PLXDC2: variants seen among roughly 807,000 people sequenced by gnomAD.
The protein encoded by PLXDC2 is plexin domain containing 2, also known as plexin domain-containing protein 2.
A neutral mutation model predicts 68.9 loss-of-function variants in PLXDC2; 40 were observed. That is an observed-to-expected ratio of 0.58 (90% CI 0.45 to 0.76). The LOEUF (loss-of-function observed/expected upper bound fraction) is 0.76, where lower values mean the gene tolerates loss of function less well. PLXDC2 is among the 30% of genes least tolerant of loss of function. PLXDC2 has a pLI of 0.00. For synonymous variants in PLXDC2, 243 were observed against 234.2 expected (o/e 1.04, Z -0.34); for missense variants, 644 against 661.9 (o/e 0.97, Z 0.30).
chr10:20,120,544 T>C (rs1833683137), intron 4 of PLXDC2, among the ~76,000 whole-genome samples: 1 of 152,144 alleles, frequency 6.6e-6, no homozygotes, highest in Non-Finnish European at 1.5e-5. Flanking sequence ...GAATTATGTC[T>C]GACAGAAGGG....
At chr10:20,128,806 A>C (rs1833827171) in intron 4 of PLXDC2, among the ~76,000 whole-genome samples, 1 of 152,170 alleles carries the variant, frequency 6.6e-6, no homozygotes, top group Admixed American at 6.5e-5. Context: ...ATGTTGACAC[A>C]AATGACTTCC....
intron 7 of PLXDC2, among the ~76,000 whole-genome samples, chr10:20,169,144 C>T (rs942284325): frequency 6.6e-6 from 1 of 152,086 alleles, no homozygotes; most frequent in South Asian, 2.1e-4. Flanking sequence ...TGGTGCTAAA[C>T]GTCCTTGTTT....
chr10:20,067,964 A>C (rs1836243035), intron 3 of PLXDC2, among the ~76,000 whole-genome samples: 1 of 152,178 alleles, frequency 6.6e-6, no homozygotes, highest in Admixed American at 6.5e-5. Context: ...TGGTGATGTT[A>C]ACTTTATTCT....
At chr10:19,997,804 G>T (rs1442841650) in intron 1 of PLXDC2, among the ~76,000 whole-genome samples, 2 of 152,060 alleles carry the variant, frequency 1.3e-5, no homozygotes, top group African/African-American at 4.8e-5. Flanking sequence ...ACGTTGTGGG[G>T]TTTCCTACTC....
chr10:20,064,466 T>C (rs10827948), intron 3 of PLXDC2, among the ~76,000 whole-genome samples: 19,962 of 152,090 alleles, frequency 0.13, 1,487 homozygotes, highest in South Asian at 0.3. Flanking sequence ...GCGATCCGCC[T>C]ACCTTGGCCT....
At chr10:20,084,981 T>G (rs557145186) in intron 4 of PLXDC2, among the ~76,000 whole-genome samples, 11 of 152,044 alleles carry the variant, frequency 7.2e-5, no homozygotes, top group Non-Finnish European at 1.5e-4. Flanking sequence ...TTTCTTTCAG[T>G]GTCTTTCCTA....
At chr10:20,232,589 C>T (rs1835379671) in intron 12 of PLXDC2, among the ~76,000 whole-genome samples, 1 of 152,052 alleles carries the variant, frequency 6.6e-6, no homozygotes, top group Admixed American at 6.6e-5. Context: ...ACAGATGCGT[C>T]CTAAAACATT....
intron 4 of PLXDC2, among the ~76,000 whole-genome samples, chr10:20,090,107 A>G (rs1833257213): frequency 6.6e-6 from 1 of 152,180 alleles, no homozygotes; most frequent in Admixed American, 6.5e-5. Flanking sequence ...CAGCTGTCCT[A>G]AGTGCTGGGT....
chr10:20,144,416 T>A (rs1242972196), intron 5 of PLXDC2, among the ~76,000 whole-genome samples: 1 of 152,064 alleles, frequency 6.6e-6, no homozygotes, highest in Non-Finnish European at 1.5e-5. Context: ...ATTTTACAGG[T>A]CAAAATAGCA....
chr10:20,124,353 A>T (rs748812515), intron 4 of PLXDC2, among the ~76,000 whole-genome samples: 31 of 152,064 alleles, frequency 2.0e-4, no homozygotes, highest in Non-Finnish European at 1.6e-4. Context: ...ACAGTGAGAG[A>T]GGTTGGAGAA....
At chr10:20,213,157 G>A (rs1028629019) in intron 10 of PLXDC2, among the ~76,000 whole-genome samples, 2 of 151,646 alleles carry the variant, frequency 1.3e-5, no homozygotes, top group African/African-American at 4.8e-5. Flanking sequence ...TGTTATTTTT[G>A]TGTATTTTTT....
At chr10:20,113,491 C>A (rs969586808) in intron 4 of PLXDC2, among the ~76,000 whole-genome samples, 1 of 152,154 alleles carries the variant, frequency 6.6e-6, no homozygotes, top group Non-Finnish European at 1.5e-5. Context: ...TACTTCTGCC[C>A]ACTCCACTCC....
chr10:19,825,854 A>G (rs1263415176), intron 1 of PLXDC2, among the ~76,000 whole-genome samples: 1 of 152,126 alleles, frequency 6.6e-6, no homozygotes, highest in East Asian at 1.9e-4. Flanking sequence ...GGTTATTTAT[A>G]TGCTGTCTTT....
chr10:20,160,405 C>A (rs923856531), intron 6 of PLXDC2, among the ~76,000 whole-genome samples: 1 of 152,164 alleles, frequency 6.6e-6, no homozygotes. Flanking sequence ...CTAACTTCTA[C>A]TCTCCTTACA....
rs78146164 is a variant in PLXDC2 at position 19,842,367 on chromosome 10, A to G, written c.112+25176A>G. Among the ~76,000 whole-genome samples, 431 of 152,208 alleles carry G rather than the reference A, an allele frequency of 2.8e-3. 9 individuals carry two copies. In the East Asian group the frequency reaches 0.053, roughly 19 times the overall value. ...CCTCTTAGCATGCGTTGAGGCATAT[A>G]ATACTCACCGGTGTACAGTAATGGG... is the stretch of plus-strand genomic sequence containing the variant. On this transcript the variant is annotated intron_variant, in intron 1 of 13. Transcript: ENST00000377252.
chr10:19,843,418 A>G (rs1417145784), intron 1 of PLXDC2, among the ~76,000 whole-genome samples: 1 of 152,190 alleles, frequency 6.6e-6, no homozygotes, highest in Non-Finnish European at 1.5e-5. Flanking sequence ...GGATTCCTCC[A>G]TAAGGACACC....
chr10:20,086,249 T>G (rs1833192482), intron 4 of PLXDC2, among the ~76,000 whole-genome samples: 1 of 152,168 alleles, frequency 6.6e-6, no homozygotes, highest in African/African-American at 2.4e-5. Flanking sequence ...AGCCTCGACC[T>G]CCTGGACTGA....
intron 7 of PLXDC2, among the ~76,000 whole-genome samples, chr10:20,168,320 G>A (rs2358858): frequency 0.35 from 53,892 of 151,990 alleles, 10,789 homozygotes; most frequent in Non-Finnish European, 0.47. Context: ...TGTGTACACA[G>A]CATGCATTAC....
chr10:19,832,064 G>A (rs1159310161), intron 1 of PLXDC2, among the ~76,000 whole-genome samples: 6 of 152,100 alleles, frequency 3.9e-5, no homozygotes, highest in African/African-American at 7.2e-5. Flanking sequence ...TGGGTTTTTC[G>A]TTTATTCATT....
Sources: allele counts gnomAD v4.1 joint callset (sites outside exome capture counted in the v4.1 genomes callset), GRCh38; gene constraint gnomAD v4.1.1; transcripts MANE v1.5; gene names NCBI Gene and HGNC (gene_info 2026-07-23, HGNC 2026-07-21).